The following USP43 variants were observed in gnomAD, a reference collection of about 807,000 sequenced individuals.
USP43 encodes the protein ubiquitin specific peptidase 43.
A neutral mutation model predicts 90.7 loss-of-function variants in USP43; 33 were observed. The ratio of observed to expected loss-of-function variants is 0.36; its 90% confidence interval spans 0.28 to 0.49. The LOEUF is 0.49. Among genes scored for constraint, USP43 ranks in the 20% least tolerant of loss-of-function variants. USP43 has a pLI of 0.98. For missense variants in USP43, 1,274 were observed against 1,476.4 expected (o/e 0.86, Z 2.25); for synonymous variants, 598 against 615.8 (o/e 0.97, Z 0.43).
chr17:9,697,766 C>T (rs191133133), intron 9 of USP43, among the ~76,000 whole-genome samples: 1 of 151,592 alleles, frequency 6.6e-6, no homozygotes, highest in East Asian at 1.9e-4. Flanking sequence ...GACTCCATGG[C>T]CTTACTATTA....
chr17:9,681,652 C>A (rs1161905696), intron 6 of USP43, among the ~76,000 whole-genome samples: 1 of 150,442 alleles, frequency 6.6e-6, no homozygotes, highest in African/African-American at 2.4e-5. Flanking sequence ...TGCCACCACG[C>A]TTGGCTAGTT....
At chr17:9,666,871 C>G in intron 3 of USP43, 120 bp downstream of exon 3, 1 of 730,606 alleles carries the variant, frequency 1.4e-6, no homozygotes, top group Non-Finnish European at 2.4e-6. Flanking sequence ...CCACAAACAC[C>G]CTTCTCTCTC....
chr17:9,718,120 T>G (rs1741296324), intron 14 of USP43, among the ~76,000 whole-genome samples: 1 of 146,358 alleles, frequency 6.8e-6, no homozygotes, highest in Non-Finnish European at 1.5e-5. Context: ...TTTTAATGTT[T>G]AATAGTAGAA....
At chr17:9,683,823 A>G (rs1053701219) in intron 7 of USP43, among the ~76,000 whole-genome samples, 1 of 152,164 alleles carries the variant, frequency 6.6e-6, no homozygotes, top group African/African-American at 2.4e-5. Flanking sequence ...TACTCCTGCT[A>G]TGAATTCACA....
chr17:9,713,090 A>C (rs990470043), intron 14 of USP43, among the ~76,000 whole-genome samples: 3 of 151,724 alleles, frequency 2.0e-5, no homozygotes, highest in Non-Finnish European at 1.5e-5. Context: ...ATCTAACTGT[A>C]TATTTGTACT....
Position 9,701,265 on chromosome 17 carries a change from T to A in USP43, c.1662+20T>A. The A allele has an allele frequency of 1.2e-6, 2 of 1,604,556 alleles. No homozygotes were observed. The highest frequency in any genetic ancestry group is 1.7e-6 in the Non-Finnish European group (2 of 1,175,104). On this transcript the variant is annotated intron_variant, in intron 11 of 14. Coordinates refer to ENST00000285199, the MANE Select transcript of USP43 (RefSeq NM_153210.5). The surrounding 1 kb of genome is among the most constrained non-coding windows in gnomAD (Gnocchi z 7.2). Reference sequence around the variant, plus strand: ...GAGCAGGTCCCGCCCTGGGGGTCCATGCCCCGGCCGGGAAGGGGGCTGGCT... The same window carrying A: ...GAGCAGGTCCCGCCCTGGGGGTCCAAGCCCCGGCCGGGAAGGGGGCTGGCT...
intron 9 of USP43, among the ~76,000 whole-genome samples, chr17:9,698,549 G>A (rs549695429): frequency 6.6e-5 from 10 of 152,254 alleles, no homozygotes; most frequent in African/African-American, 2.4e-4. Context: ...TCTTGGAGTA[G>A]CATCGCTCCA....
chr17:9,694,545 T>A (rs1915146980), intron 9 of USP43, among the ~76,000 whole-genome samples: 1 of 152,164 alleles, frequency 6.6e-6, no homozygotes, highest in African/African-American at 2.4e-5. Flanking sequence ...GATATGATAA[T>A]TTCTTTTAAA....
chr17:9,696,671 A>G (rs960876151), intron 9 of USP43, among the ~76,000 whole-genome samples: 1 of 152,240 alleles, frequency 6.6e-6, no homozygotes, highest in African/African-American at 2.4e-5. Flanking sequence ...ACCTCAAGCT[A>G]GGAACCTGGC....
intron 12 of USP43, among the ~76,000 whole-genome samples, chr17:9,703,417 G>A (rs528174306): frequency 2.6e-5 from 4 of 152,338 alleles, no homozygotes; most frequent in South Asian, 2.1e-4. Context: ...TATCAAAAGC[G>A]AGATCCAGAC....
chr17:9,654,985 G>A (rs149685698), intron 1 of USP43, among the ~76,000 whole-genome samples: 15 of 148,846 alleles, frequency 1.0e-4, no homozygotes, highest in African/African-American at 3.2e-4. Flanking sequence ...TGATCCATCC[G>A]CCTCGGCCTC....
intron 14 of USP43, among the ~76,000 whole-genome samples, chr17:9,715,823 GTGTC>G (rs1325949684): frequency 6.6e-6 from 1 of 151,054 alleles, no homozygotes; most frequent in Non-Finnish European, 1.5e-5. Context: ...GTGTCTCTGT[GTGTC>G]TATGTGTATG....
chr17:9,689,888 G>A (rs1042314171), intron 8 of USP43, among the ~76,000 whole-genome samples: 1 of 152,144 alleles, frequency 6.6e-6, no homozygotes, highest in African/African-American at 2.4e-5. Flanking sequence ...TTCTCCCCCA[G>A]ATTTAAATTA....
At position 9,685,872 on chromosome 17, in the gene USP43, A is replaced by C. The variant is rs563558527; in HGVS notation, c.1242-926A>C. Among the ~76,000 whole-genome samples, 27 of 152,344 alleles carry C rather than the reference A, an allele frequency of 1.8e-4. No homozygotes were observed. In the South Asian group the frequency reaches 5.6e-3, roughly 32 times the overall value. On this transcript the variant is annotated intron_variant, in intron 7 of 14. Coordinates refer to ENST00000285199, the MANE Select transcript of USP43 (RefSeq NM_153210.5). ...AAGCATACAATAAATTATTGTTAACAATAGTCACTCTATATTGCTATAGAA... is the reference window on the plus strand; with the variant it reads ...AAGCATACAATAAATTATTGTTAACCATAGTCACTCTATATTGCTATAGAA...
chr17:9,646,056 G>A lies in USP43; in HGVS notation c.424G>A (p.Glu142Lys), dbSNP rs530834310. ...CTACCGGGCGGCTCCGGGCCGCGCC[G>A]AGGTCACCGAGCAGCTGGCGGCGCT... ...GRYRAAPGRA[E>K]VTEQLAALVR... The change falls in exon 1 of 15, where the codon GAG (glutamate) becomes AAG (lysine). Residue 142 changes from glutamate (E) to lysine (K), a missense_variant. Glu to Lys is a moderately conservative substitution (Grantham distance 56). Transcript: ENST00000285199. 4.0e-6 allele frequency: 6 copies of A among 1,505,716 alleles called. No homozygotes were observed. In the South Asian group the frequency reaches 7.5e-5, roughly 19 times the overall value. 93.3% of individuals were successfully genotyped at this position (1,505,716 alleles called of 1,614,324 possible).
intron 2 of USP43, among the ~76,000 whole-genome samples, chr17:9,661,289 T>C (rs1247889383): frequency 1.3e-5 from 2 of 152,182 alleles, no homozygotes; most frequent in East Asian, 1.9e-4. Context: ...AGTTGACATA[T>C]ATTAAACACT....
At chr17:9,688,039 G>A (rs1914692457) in intron 8 of USP43, among the ~76,000 whole-genome samples, 1 of 152,212 alleles carries the variant, frequency 6.6e-6, no homozygotes, top group African/African-American at 2.4e-5. Context: ...AGGCTGGAGT[G>A]CAGTGGCGTG....
chr17:9,666,355 C>T (rs953247199), intron 2 of USP43, among the ~76,000 whole-genome samples: 3 of 152,084 alleles, frequency 2.0e-5, no homozygotes, highest in African/African-American at 4.8e-5. Context: ...CGCGCAGGGC[C>T]GTCCATCCAG....
At chr17:9,694,364 G>T (rs571656271) in intron 9 of USP43, among the ~76,000 whole-genome samples, 1 of 152,138 alleles carries the variant, frequency 6.6e-6, no homozygotes, top group Non-Finnish European at 1.5e-5. Flanking sequence ...GGGCCTGTTT[G>T]GGTCTCCCAG....
Sources: gnomAD v4.1 joint callset for allele counts (sites outside exome capture counted in the v4.1 genomes callset) on GRCh38, gnomAD v4.1.1 for gene constraint, Gnocchi (gnomAD v3.1) non-coding constraint, MANE v1.5 for transcripts, NCBI Gene and HGNC (gene_info 2026-07-23, HGNC 2026-07-21) for gene names.